Variants in HIF1A observed in about 807,000 individuals in gnomAD.
The protein encoded by HIF1A is hypoxia inducible factor 1 subunit alpha, also known as hypoxia-inducible factor 1-alpha.
HIF1A carries 24 observed loss-of-function variants against 92.7 expected under a neutral mutation model. The observed-to-expected ratio is 0.26, with a 90% confidence interval of 0.19 to 0.36. HIF1A has a LOEUF of 0.36. Ranked by LOEUF, HIF1A falls within the 10% of genes least tolerant of loss-of-function variation. The pLI, the probability that HIF1A is intolerant of heterozygous loss-of-function variation, is 1.00. For missense variants in HIF1A, 799 were observed against 998.5 expected, an observed-to-expected ratio of 0.80 and a Z score of 2.69; for synonymous variants, 319 against 338.7, an observed-to-expected ratio of 0.94 and a Z score of 0.64.
chr14:61,716,099 G>T (rs1315927580), intron 1 of HIF1A, among the ~76,000 whole-genome samples: 1 of 152,130 alleles, frequency 6.6e-6, no homozygotes, highest in Non-Finnish European at 1.5e-5. Context: ...TTTAAGAAGT[G>T]CAGGGCAGTT....
Position 61,699,827 on chromosome 14 carries a change from G to A in HIF1A, c.35+3988G>A, listed in dbSNP as rs72563747. Among the ~76,000 whole-genome samples the A allele has an allele frequency of 3.3e-4, 50 of 152,192 alleles. No homozygotes were observed. The East Asian group carries it at 6.0e-3, about 18-fold the overall frequency. On this transcript the variant is annotated intron_variant, in intron 1 of 14. Transcript: ENST00000337138. Reference sequence around the variant, plus strand: ...AGAATTTGAAACTAAGACAAGCCAAGCTTCTTGTTGCTCAGTATTTTTGGT... The same window carrying A: ...AGAATTTGAAACTAAGACAAGCCAAACTTCTTGTTGCTCAGTATTTTTGGT...
chr14:61,744,802 G>A lies in HIF1A; in HGVS notation c.2191G>A (p.Ala731Thr). Residue 731 changes from alanine to threonine, a missense_variant, in exon 13 of 15, where the codon GCA (alanine) becomes ACA (threonine). By Grantham distance (58) the Ala-to-Thr change is moderately conservative (BLOSUM62 0). Transcript: ENST00000337138. ...KMEHDGSLFQ[A>T]VGIGTLLQQP... Reference sequence around the variant, plus strand: ...GGAACATGATGGTTCACTTTTTCAAGCAGTAGGAATTGTAAGTATGAGTAG... The same window carrying A: ...GGAACATGATGGTTCACTTTTTCAAACAGTAGGAATTGTAAGTATGAGTAG... 1 of 1,557,298 alleles carries A rather than the reference G, an allele frequency of 6.4e-7. No homozygotes were observed. Among genetic ancestry groups the A allele is most frequent in the Non-Finnish European group, 8.8e-7 (1 of 1,132,818 alleles).
At position 61,736,905 on chromosome 14, in the gene HIF1A, G is replaced by A. The variant is rs142179458; in HGVS notation, c.1045G>A (p.Asp349Asn). 6.2e-4 allele frequency: 997 copies of A among 1,612,826 alleles called. 18 individuals carry two copies. The East Asian group carries it at 0.016, about 25-fold the overall frequency. ...TTTTGACAGTGGTATTATTCAGCACGACTTGATTTTCTCCCTTCAACAAAC... is the reference window on the plus strand; with the variant it reads ...TTTTGACAGTGGTATTATTCAGCACAACTTGATTTTCTCCCTTCAACAAAC... ...NYVVSGIIQH[D>N]LIFSLQQTEC... The change falls in exon 9 of 15, where the codon GAC (aspartate) becomes AAC (asparagine). Residue 349 changes from aspartate to asparagine, a missense_variant. Around this residue, in one of 2 missense-constraint regions of HIF1A, gnomAD observed 516 missense variants for 721.0 expected, o/e 0.72. Transcript: ENST00000337138.
Position 61,703,122 on chromosome 14 carries a change from G to A in HIF1A, c.35+7283G>A, listed in dbSNP as rs190830096. Among the ~76,000 whole-genome samples, 14 of 152,228 alleles carry A rather than the reference G, an allele frequency of 9.2e-5. No homozygotes were observed. The East Asian group carries it at 1.9e-3, about 21-fold the overall frequency. On this transcript the variant is annotated intron_variant, in intron 1 of 14. Transcript: ENST00000337138. ...TGAGAAAAGTGCTGAGATTACAGGC[G>A]TGAGCCACCATGCCCGGCCTCATGG...
chr14:61,720,684 T>C, intron 2 of HIF1A, 112 bp downstream of exon 2: 2 of 613,040 alleles, frequency 3.3e-6, no homozygotes, highest in East Asian at 3.0e-5. Context: ...CCTCTTTATA[T>C]TGTGATATGT....
intron 1 of HIF1A, among the ~76,000 whole-genome samples, chr14:61,713,269 A>G (rs1193029287): frequency 6.6e-6 from 1 of 152,226 alleles, no homozygotes; most frequent in Admixed American, 6.5e-5. Flanking sequence ...TTACTTCGGA[A>G]GGATCTTTAT....
intron 1 of HIF1A, among the ~76,000 whole-genome samples, chr14:61,710,512 A>G (rs912011219): frequency 1.3e-5 from 2 of 152,178 alleles, no homozygotes; most frequent in Admixed American, 6.5e-5. Context: ...TATTGATTAG[A>G]ATTCAGAAGA....
chr14:61,746,160 G>T (rs2044783326), intron 14 of HIF1A, among the ~76,000 whole-genome samples: 1 of 149,378 alleles, frequency 6.7e-6, no homozygotes, highest in Non-Finnish European at 1.5e-5. Flanking sequence ...GAAGGCAGAG[G>T]TTGCAGTGAG....
At chr14:61,734,985 TCTTCA>T (rs2044618779) in intron 8 of HIF1A, among the ~76,000 whole-genome samples, 1 of 152,238 alleles carries the variant, frequency 6.6e-6, no homozygotes, top group Non-Finnish European at 1.5e-5. Context: ...ATTCATGAAC[TCTTCA>T]CTTAGCTCTT....
chr14:61,705,278 G>T (rs753227903), intron 1 of HIF1A, among the ~76,000 whole-genome samples: 6 of 152,048 alleles, frequency 3.9e-5, no homozygotes, highest in Non-Finnish European at 5.9e-5. Context: ...AACACAGAAG[G>T]CTTGAGGCAA....
chr14:61,741,895 A>G (rs1024354637), intron 12 of HIF1A, among the ~76,000 whole-genome samples: 2 of 152,096 alleles, frequency 1.3e-5, no homozygotes, highest in Non-Finnish European at 1.5e-5. Flanking sequence ...AGCCCTTCCA[A>G]TTTAAGGGTT....
At chr14:61,724,349 T>TTCTC (rs147642291) in intron 4 of HIF1A, among the ~76,000 whole-genome samples, 7,286 of 95,984 alleles carry the variant, frequency 0.076, 556 homozygotes, top group East Asian at 0.18. Flanking sequence ...CACACACACA[T>TTCTC]TCTCTCTCTC....
At chr14:61,734,885 A>G (rs562125646) in intron 8 of HIF1A, among the ~76,000 whole-genome samples, 2 of 152,244 alleles carry the variant, frequency 1.3e-5, no homozygotes, top group African/African-American at 4.8e-5. Flanking sequence ...CGTTGTGCAC[A>G]TGCACCCTAG....
Position 61,720,491 on chromosome 14 carries a change from A to C in HIF1A, c.145A>C (p.Asn49His). 1 of 1,613,604 alleles carries C rather than the reference A, an allele frequency of 6.2e-7. No homozygotes were observed. The highest frequency in any genetic ancestry group is 8.5e-7 in the Non-Finnish European group (1 of 1,179,750). ...TGCTCATCAGTTGCCACTTCCACAT[A>C]ATGTGAGTTCGCATCTTGATAAGGC... ...ELAHQLPLPH[N>H]VSSHLDKASV... Residue 49 changes from asparagine (N) to histidine (H), a missense_variant, in exon 2 of 15, where the codon AAT becomes CAT. Coordinates refer to ENST00000337138, the MANE Select transcript of HIF1A (RefSeq NM_001530.4).
chr14:61,737,822 T>C (rs1325423602), intron 9 of HIF1A, among the ~76,000 whole-genome samples: 2 of 151,794 alleles, frequency 1.3e-5, no homozygotes, highest in Non-Finnish European at 2.9e-5. Context: ...AGGTTAGGAG[T>C]TCGAGACCAG....
chr14:61,737,147 T>G, intron 9 of HIF1A, 38 bp downstream of exon 9: 1 of 1,422,708 alleles, frequency 7.0e-7, no homozygotes. Context: ...AAATTGTGTC[T>G]GTTGCTACAA....
At chr14:61,713,103 T>C (rs1313267085) in intron 1 of HIF1A, among the ~76,000 whole-genome samples, 2 of 152,098 alleles carry the variant, frequency 1.3e-5, no homozygotes, top group African/African-American at 4.8e-5. Context: ...ACTATGGTGC[T>C]TTTGAGTAAC....
chr14:61,738,234 C>G lies in HIF1A; in HGVS notation c.1397C>G (p.Ala466Gly), dbSNP rs1566576137. Residue 466 changes from alanine to glycine, a missense_variant, in exon 10 of 15, where the codon GCT (alanine) becomes GGT (glycine). Physicochemically the swap from Ala to Gly is moderately conservative, Grantham distance 60. This residue lies in a region of HIF1A where 516 missense variants were observed against 721.0 expected (regional missense o/e 0.72). Coordinates refer to ENST00000337138, the MANE Select transcript of HIF1A (RefSeq NM_001530.4). ...AETPKPLRSSADPALNQEVAL... is the reference protein window; with the variant it reads ...AETPKPLRSSGDPALNQEVAL... Reference sequence around the variant, plus strand: ...ACGCCAAAGCCACTTCGAAGTAGTGCTGACCCTGCACTCAATCAAGAAGTT... The same window carrying G: ...ACGCCAAAGCCACTTCGAAGTAGTGGTGACCCTGCACTCAATCAAGAAGTT... 1 of 1,614,134 alleles carries G rather than the reference C, an allele frequency of 6.2e-7. No individual in the cohort carries two copies. Among genetic ancestry groups the G allele is most frequent in the Non-Finnish European group, 8.5e-7 (1 of 1,180,010 alleles).
intron 9 of HIF1A, 28 bp from the exon 10 acceptor site, chr14:61,738,059 T>C: frequency 2.6e-6 from 4 of 1,543,312 alleles, no homozygotes; most frequent in Non-Finnish European, 2.6e-6. Flanking sequence ...TTCTATACTT[T>C]AGATTGACTC....
Sources: gnomAD v4.1 joint callset for allele counts (sites outside exome capture counted in the v4.1 genomes callset) on GRCh38, gnomAD v4.1.1 for gene constraint, gnomAD v4.1.1 regional missense constraint, MANE v1.5 for transcripts, NCBI Gene and HGNC (gene_info 2026-07-23, HGNC 2026-07-21) for gene names.